Variants in STAT3 observed in about 807,000 individuals in gnomAD.
STAT3 encodes signal transducer and activator of transcription 3, also known as DNA-binding protein APRF.
Under a neutral mutation model 114.3 loss-of-function variants are expected in STAT3, and 7 were observed. The ratio of observed to expected loss-of-function variants is 0.06; its 90% CI spans 0.03 to 0.11. The LOEUF is 0.11. Ranked by LOEUF, STAT3 falls within the 10% of genes least tolerant of loss-of-function variation. STAT3 has a pLI of 1.00. For missense variants in STAT3, 364 were observed against 960.9 expected (o/e 0.38, Z 8.21); for synonymous variants, 331 against 354.5 (o/e 0.93, Z 0.74).
At chr17:42,388,170 C>G in intron 1 of STAT3, 109 bp downstream of exon 1, 3 of 1,174,138 alleles carry the variant, frequency 2.6e-6, no homozygotes, top group Non-Finnish European at 3.2e-6. Flanking sequence ...TCTCCCGGCC[C>G]CACTGCAGCG....
intron 1 of STAT3, among the ~76,000 whole-genome samples, chr17:42,378,695 A>T (rs1246447109): frequency 1.3e-5 from 2 of 152,250 alleles, no homozygotes; most frequent in Admixed American, 1.3e-4. Flanking sequence ...AAGTAGAAAA[A>T]AATTCAAAGG....
chr17:42,368,605 A>G (rs1312564106), intron 1 of STAT3, among the ~76,000 whole-genome samples: 1 of 152,020 alleles, frequency 6.6e-6, no homozygotes, highest in East Asian at 1.9e-4. Flanking sequence ...GACTGCAGGC[A>G]TGCACCACCA....
chr17:42,346,971 C>G (rs1476388759), intron 2 of STAT3, among the ~76,000 whole-genome samples: 1 of 151,888 alleles, frequency 6.6e-6, no homozygotes. Context: ...GGCGGATCAC[C>G]TGAGGTCAGG....
At chr17:42,355,281 A>T (rs181258991) in intron 1 of STAT3, among the ~76,000 whole-genome samples, 2 of 152,188 alleles carry the variant, frequency 1.3e-5, no homozygotes, top group Non-Finnish European at 2.9e-5. Context: ...ATTGGGCAAC[A>T]CTTCATTCAA....
rs1451325377 is a variant in STAT3, at chr17:42,324,669, T to C, written c.1600+42A>G. Reference sequence around the variant, plus strand: ...ACAGCCCTATGGGCCGGATCCCTTTTCTGGGCGGGTGGGCGGGAGGGAGAA... The same window carrying C: ...ACAGCCCTATGGGCCGGATCCCTTTCCTGGGCGGGTGGGCGGGAGGGAGAA... On this transcript the variant is annotated intron_variant, in intron 17 of 23. Coordinates refer to ENST00000264657, the MANE Select transcript of STAT3 (RefSeq NM_139276.3). This position sits in a 1 kb window ranked among gnomAD's most constrained non-coding sequence, Gnocchi z 4.5. 1 of 1,000,992 alleles carries C rather than the reference T, an allele frequency of 1.0e-6. No individual in the cohort carries two copies. Among genetic ancestry groups the C allele is most frequent in the East Asian group, 4.4e-5 (1 of 22,730 alleles). The allele number at this position is 1,000,992 out of a possible 1,614,324, so 62.0% of individuals were successfully genotyped here.
At chr17:42,385,875 ATC>A in intron 1 of STAT3, among the ~76,000 whole-genome samples, 1 of 152,238 alleles carries the variant, frequency 6.6e-6, no homozygotes, top group Non-Finnish European at 1.5e-5. Flanking sequence ...TAGAAAAATA[ATC>A]TAAGCAAGCT....
chr17:42,367,302 G>A (rs1489710776), intron 1 of STAT3, among the ~76,000 whole-genome samples: 1 of 151,212 alleles, frequency 6.6e-6, no homozygotes, highest in African/African-American at 2.4e-5. Flanking sequence ...TTGCGCCACT[G>A]CACTTCAGCC....
rs545040537 is a variant in STAT3, at chr17:42,353,273, G to A, written c.-23-4734C>T. On this transcript the variant is annotated intron_variant, in intron 1 of 23. Coordinates refer to ENST00000264657, the MANE Select transcript of STAT3 (RefSeq NM_139276.3). Reference sequence around the variant, plus strand: ...TGAGGCAGGAGAATTGCTTGAACCCGGGAGGCGGAGGTTGCAGTGGGCCGA... The same window carrying A: ...TGAGGCAGGAGAATTGCTTGAACCCAGGAGGCGGAGGTTGCAGTGGGCCGA... Among the ~76,000 whole-genome samples the A allele has an allele frequency of 1.1e-3, 173 of 151,472 alleles. 1 individual carries two copies. Among genetic ancestry groups the A allele is most frequent in the African/African-American group, 4.0e-3 (167 of 41,256 alleles).
At position 42,322,445 on chromosome 17, in the gene STAT3, G is replaced by A. The variant is rs587777649; in HGVS notation, c.1938C>T (p.Asn646=). 5 of 1,614,238 alleles carry A rather than the reference G, an allele frequency of 3.1e-6. No homozygotes were observed. The East Asian group carries it at 1.1e-4, about 36-fold the overall frequency. ...SVEPYTKQQL[N]NMSFAEIIMG... ...TGATGATTTCAGCAAATGACATGTT[G>A]TTCAGCTGCTGCTTTGTGTATGGTT... Residue 646 remains asparagine, a synonymous_variant, in exon 21 of 24, where the codon AAC becomes AAT. Coordinates refer to ENST00000264657, the MANE Select transcript of STAT3 (RefSeq NM_139276.3).
At chr17:42,335,341 G>A (rs888986955) in intron 8 of STAT3, among the ~76,000 whole-genome samples, 4 of 152,072 alleles carry the variant, frequency 2.6e-5, no homozygotes, top group African/African-American at 9.7e-5. Flanking sequence ...AGGCTGAAGT[G>A]TAATGGCACA....
At chr17:42,320,331 G>A (rs2081418698) in intron 21 of STAT3, among the ~76,000 whole-genome samples, 1 of 152,154 alleles carries the variant, frequency 6.6e-6, no homozygotes, top group Admixed American at 6.5e-5. Flanking sequence ...CTAGGAAAAA[G>A]TGGGAGGGAA....
chr17:42,349,828 G>A (rs1005309411), intron 1 of STAT3, among the ~76,000 whole-genome samples: 7 of 152,176 alleles, frequency 4.6e-5, no homozygotes, highest in Non-Finnish European at 1.0e-4. Context: ...AGGCCAAGGC[G>A]GGCAGATCAC....
chr17:42,343,829 T>C (rs1163525047), intron 4 of STAT3, among the ~76,000 whole-genome samples: 2 of 152,286 alleles, frequency 1.3e-5, no homozygotes, highest in Middle Eastern at 3.4e-3. Context: ...TCTAAAAATA[T>C]TTATCTTGTA....
chr17:42,380,541 C>T (rs1382246588), intron 1 of STAT3, among the ~76,000 whole-genome samples: 2 of 151,532 alleles, frequency 1.3e-5, no homozygotes, highest in African/African-American at 4.9e-5. Flanking sequence ...CCCACCACCA[C>T]AACTGGCTAA....
At chr17:42,328,553 G>T (rs759682743) in intron 14 of STAT3, among the ~76,000 whole-genome samples, 2 of 152,086 alleles carry the variant, frequency 1.3e-5, no homozygotes, top group Non-Finnish European at 2.9e-5. Flanking sequence ...GACTACAGGC[G>T]TGCACCACCA....
chr17:42,388,212 C>T (rs2085219456), intron 1 of STAT3, 67 bp downstream of exon 1: 3 of 1,229,064 alleles, frequency 2.4e-6, no homozygotes, highest in Non-Finnish European at 3.0e-6. Flanking sequence ...TCCCAGAGGC[C>T]CCCTGCCGCT....
At chr17:42,321,458 C>A (rs2081481600) in intron 21 of STAT3, among the ~76,000 whole-genome samples, 1 of 151,988 alleles carries the variant, frequency 6.6e-6, no homozygotes. Flanking sequence ...AAGTACATGT[C>A]CTCTTACACA....
At chr17:42,365,638 A>AG (rs1362155001) in intron 1 of STAT3, among the ~76,000 whole-genome samples, 2 of 93,974 alleles carry the variant, frequency 2.1e-5, no homozygotes, top group Non-Finnish European at 5.3e-5. Context: ...TTGCTGTTAA[A>AG]GTTTTTTTTT....
chr17:42,368,893 T>G (rs1435690969), intron 1 of STAT3, among the ~76,000 whole-genome samples: 2 of 152,082 alleles, frequency 1.3e-5, no homozygotes, highest in Non-Finnish European at 2.9e-5. Context: ...TTCCTCTCCC[T>G]CCTCCCACTC....
Sources: gnomAD v4.1 joint callset for allele counts (sites outside exome capture counted in the v4.1 genomes callset) on GRCh38, gnomAD v4.1.1 for gene constraint, Gnocchi (gnomAD v3.1) non-coding constraint, MANE v1.5 for transcripts, NCBI Gene and HGNC (gene_info 2026-07-23, HGNC 2026-07-21) for gene names.